SCFD2: variants seen among roughly 807,000 people sequenced by gnomAD.
SCFD2 encodes sec1 family domain-containing protein 2.
A neutral mutation model predicts 58.9 loss-of-function variants in SCFD2; 54 were observed. That is an observed-to-expected ratio of 0.92 (90% confidence interval 0.74 to 1.15). The LOEUF (loss-of-function observed/expected upper bound fraction) is 1.15. SCFD2 is among the 50% of genes most tolerant of loss of function. The pLI is 0.00. For synonymous variants in SCFD2, 321 were observed against 335.9 expected (o/e 0.96, Z 0.49); for missense variants, 805 against 836.6 (o/e 0.96, Z 0.47).
intron 5 of SCFD2, among the ~76,000 whole-genome samples, chr4:53,089,413 T>C (rs1373339708): frequency 2.0e-5 from 3 of 152,158 alleles, no homozygotes; most frequent in Admixed American, 6.5e-5. Flanking sequence ...CTGAACTGTT[T>C]TGAACCACAA....
intron 4 of SCFD2, among the ~76,000 whole-genome samples, chr4:53,256,433 C>T (rs1289519231): frequency 4.0e-5 from 6 of 149,824 alleles, no homozygotes; most frequent in Admixed American, 2.7e-4. Context: ...ACATCCCAGA[C>T]GATGGGCGAC....
chr4:53,161,474 A>C (rs1433594672), intron 4 of SCFD2, among the ~76,000 whole-genome samples: 1 of 152,208 alleles, frequency 6.6e-6, no homozygotes, highest in Non-Finnish European at 1.5e-5. Flanking sequence ...TTGGCTAGGA[A>C]GATAGGGAAA....
intron 5 of SCFD2, among the ~76,000 whole-genome samples, chr4:53,139,602 G>A (rs1441720779): frequency 6.7e-6 from 1 of 149,154 alleles, no homozygotes; most frequent in Non-Finnish European, 1.5e-5. Context: ...GGCAGCCCCC[G>A]CCCGGCTGCT....
chr4:53,325,193 G>GTA (rs879777922), intron 2 of SCFD2, among the ~76,000 whole-genome samples: 1 of 150,932 alleles, frequency 6.6e-6, no homozygotes, highest in Admixed American at 6.6e-5. Flanking sequence ...GTGTGTGTGC[G>GTA]CGTGCGCGCA....
At chr4:52,989,107 T>C (rs1721564632) in intron 5 of SCFD2, among the ~76,000 whole-genome samples, 1 of 151,990 alleles carries the variant, frequency 6.6e-6, no homozygotes, top group South Asian at 2.1e-4. Context: ...CATCAGGGAG[T>C]CCAGACTCCC....
chr4:53,256,877 G>A (rs1231374828), intron 4 of SCFD2, among the ~76,000 whole-genome samples: 5 of 140,848 alleles, frequency 3.5e-5, no homozygotes, highest in African/African-American at 8.0e-5. Flanking sequence ...GAGGGAGACC[G>A]TGGGGAGAGG....
At chr4:53,114,847 A>G (rs1489769993) in intron 5 of SCFD2, among the ~76,000 whole-genome samples, 1 of 152,160 alleles carries the variant, frequency 6.6e-6, no homozygotes. Context: ...TGAGAGAACT[A>G]CAATATAAAG....
intron 5 of SCFD2, chr4:52,956,755 A>C (rs1375233238): frequency 6.5e-6 from 1 of 154,890 alleles, no homozygotes; most frequent in East Asian, 1.9e-4. Context: ...GTGGAGGAAG[A>C]GGAAGAGTAG....
chr4:53,278,782 C>A (rs891817574), intron 3 of SCFD2, among the ~76,000 whole-genome samples: 4 of 151,710 alleles, frequency 2.6e-5, no homozygotes, highest in Non-Finnish European at 4.4e-5. Flanking sequence ...CATGACACTA[C>A]TCCTTCGTTA....
intron 5 of SCFD2, among the ~76,000 whole-genome samples, chr4:53,118,076 T>C (rs1264329135): frequency 1.3e-5 from 2 of 152,084 alleles, no homozygotes; most frequent in Non-Finnish European, 2.9e-5. Context: ...CTATGTGACA[T>C]GGACACAAAC....
At chr4:53,361,820 G>A (rs1475350612) in intron 1 of SCFD2, among the ~76,000 whole-genome samples, 1 of 152,172 alleles carries the variant, frequency 6.6e-6, no homozygotes, top group Admixed American at 6.5e-5. Flanking sequence ...TTCTGCATTT[G>A]TGTATTACTA....
Position 52,895,074 on chromosome 4 carries a change from C to T in SCFD2, c.1843-9208G>A, listed in dbSNP as rs76256612. Among the ~76,000 whole-genome samples the T allele has an allele frequency of 1.3e-3, 196 of 152,268 alleles. 1 individual carries two copies. In the Middle Eastern group the frequency reaches 0.014, roughly 11 times the overall value. The stretch of plus-strand genomic sequence containing the variant: ...AACTCCTAGGATTAGCCAAACACTG[C>T]CTTGCCTAGCTGGACAGCCAAACAT... On this transcript the variant is annotated intron_variant, in intron 7 of 8. Coordinates refer to ENST00000401642, the MANE Select transcript of SCFD2 (RefSeq NM_152540.4).
At chr4:53,174,111 GA>G (rs1024108143) in intron 4 of SCFD2, among the ~76,000 whole-genome samples, 12 of 151,656 alleles carry the variant, frequency 7.9e-5, no homozygotes, top group African/African-American at 2.7e-4. Context: ...TACTAAGCAG[GA>G]AAATAGTAAA....
At chr4:53,220,061 C>T (rs186348856) in intron 4 of SCFD2, among the ~76,000 whole-genome samples, 6 of 152,266 alleles carry the variant, frequency 3.9e-5, no homozygotes, top group Admixed American at 3.9e-4. Flanking sequence ...CCTCATGGTT[C>T]ACTCCCTCTC....
At chr4:53,262,900 C>T (rs547529233) in intron 4 of SCFD2, among the ~76,000 whole-genome samples, 99 of 152,204 alleles carry the variant, frequency 6.5e-4, no homozygotes, top group African/African-American at 2.2e-3. Context: ...ATCTTAGGTT[C>T]GGATGCTTAA....
intron 5 of SCFD2, among the ~76,000 whole-genome samples, chr4:53,043,957 G>A (rs1333384819): frequency 1.3e-5 from 2 of 152,042 alleles, no homozygotes; most frequent in African/African-American, 2.4e-5. Context: ...AATGTTAGAC[G>A]CTGTGGTAGC....
chr4:53,101,636 GCAA>G (rs960261653), intron 5 of SCFD2, among the ~76,000 whole-genome samples: 3 of 152,096 alleles, frequency 2.0e-5, no homozygotes, highest in African/African-American at 4.8e-5. Context: ...AACCTCATTT[GCAA>G]CAACAATGGA....
At chr4:53,092,046 G>C (rs1231193133) in intron 5 of SCFD2, among the ~76,000 whole-genome samples, 1 of 152,108 alleles carries the variant, frequency 6.6e-6, no homozygotes, top group Non-Finnish European at 1.5e-5. Context: ...AGAACAGGAA[G>C]CAAAATAATC....
At chr4:53,087,427 G>A (rs1218851517) in intron 5 of SCFD2, among the ~76,000 whole-genome samples, 1 of 151,958 alleles carries the variant, frequency 6.6e-6, no homozygotes, top group Non-Finnish European at 1.5e-5. Context: ...CTCACCTCCC[G>A]GGTTCAAGTG....
Sources: gnomAD v4.1 joint callset for allele counts (sites outside exome capture counted in the v4.1 genomes callset) on GRCh38, gnomAD v4.1.1 for gene constraint, MANE v1.5 for transcripts, NCBI Gene and HGNC (gene_info 2026-07-23, HGNC 2026-07-21) for gene names.